Variants in MYLK observed in about 807,000 individuals in gnomAD.
The protein encoded by MYLK is myosin light chain kinase.
Under a neutral mutation model 203.4 loss-of-function variants are expected in MYLK, and 106 were observed. The ratio of observed to expected loss-of-function variants is 0.52; its 90% CI spans 0.45 to 0.61. MYLK has a LOEUF of 0.61. MYLK is among the 20% of genes least tolerant of loss of function. The pLI, the probability that MYLK is intolerant of heterozygous loss-of-function variation, is 0.00. For synonymous variants in MYLK, 867 were observed against 959.5 expected, an observed-to-expected ratio of 0.90 and a Z score of 1.78; for missense variants, 2,072 against 2,442.3, an observed-to-expected ratio of 0.85 and a Z score of 3.20.
intron 1 of MYLK, among the ~76,000 whole-genome samples, chr3:123,880,607 G>C (rs2033467292): frequency 1.3e-5 from 2 of 150,280 alleles, no homozygotes; most frequent in Admixed American, 6.6e-5. Context: ...AGGGTGGAAG[G>C]GGGGCAAGGA....
intron 3 of MYLK, among the ~76,000 whole-genome samples, chr3:123,801,888 T>C (rs565747131): frequency 9.5e-4 from 144 of 152,346 alleles, no homozygotes; most frequent in Non-Finnish European, 1.7e-3. Flanking sequence ...GTGAAGAACA[T>C]ACAGATGTAT....
chr3:123,791,363 T>G (rs942626767), intron 4 of MYLK, among the ~76,000 whole-genome samples: 2 of 152,244 alleles, frequency 1.3e-5, no homozygotes, highest in South Asian at 4.1e-4. Flanking sequence ...CCTGTTTAAC[T>G]TCGTCTTTGG....
At chr3:123,869,479 C>A (rs920438359) in intron 2 of MYLK, among the ~76,000 whole-genome samples, 2 of 152,132 alleles carry the variant, frequency 1.3e-5, no homozygotes, top group African/African-American at 4.8e-5. Context: ...TCATCCAGAC[C>A]TAGGGTGGTC....
rs1308445594 is a variant in MYLK at position 123,642,158 on chromosome 3, C to T, written c.4620-1654G>A. Reference sequence around the variant, plus strand: ...GCCTGTCCTCTTGCAAGGGTATTTCCTCTCCTACAGAGAGTCCTCACGAAG... The same window carrying T: ...GCCTGTCCTCTTGCAAGGGTATTTCTTCTCCTACAGAGAGTCCTCACGAAG... On this transcript the variant is annotated intron_variant, in intron 27 of 33. Coordinates refer to ENST00000360304, the MANE Select transcript of MYLK (RefSeq NM_053025.4). The surrounding 1 kb of genome is among the most constrained non-coding windows in gnomAD (Gnocchi z 4.2). Among the ~76,000 whole-genome samples the T allele has an allele frequency of 6.6e-6, 1 of 152,180 alleles. No individual in the cohort carries two copies. Among genetic ancestry groups the T allele is most frequent in the Non-Finnish European group, 1.5e-5 (1 of 68,036 alleles).
rs532053461 is a variant in MYLK, at chr3:123,840,008, A to G, written c.-126-8338T>C. 5.9e-5 allele frequency among the ~76,000 whole-genome samples: 9 copies of G among 152,272 alleles called. No homozygotes were observed. The East Asian group carries it at 1.7e-3, about 29-fold the overall frequency. On this transcript the variant is annotated intron_variant, in intron 2 of 33. Coordinates refer to ENST00000360304, the MANE Select transcript of MYLK (RefSeq NM_053025.4). ...AAAATATTTCAAATGGAATGGACATAAAAAGGCACAATATGTCAAATTTGG... is the reference window on the plus strand; with the variant it reads ...AAAATATTTCAAATGGAATGGACATGAAAAGGCACAATATGTCAAATTTGG...
intron 3 of MYLK, among the ~76,000 whole-genome samples, chr3:123,827,659 A>T (rs1182151593): frequency 2.2e-5 from 3 of 134,918 alleles, no homozygotes; most frequent in Admixed American, 1.5e-4. Context: ...TGCTCAAGGG[A>T]TTCTTACATC....
intron 33 of MYLK, chr3:123,618,256 T>C: frequency 3.4e-6 from 1 of 292,838 alleles, no homozygotes; most frequent in Non-Finnish European, 6.7e-6. Flanking sequence ...TATGCCTTTG[T>C]GCCAGCCTTC....
chr3:123,739,397 A>C (rs60110329), intron 6 of MYLK, among the ~76,000 whole-genome samples: 4,770 of 152,308 alleles, frequency 0.031, 229 homozygotes, highest in African/African-American at 0.11. Flanking sequence ...GGGCCGACTC[A>C]TAAGAACCTC....
At chr3:123,844,451 T>C (rs1232834627) in intron 2 of MYLK, among the ~76,000 whole-genome samples, 1 of 152,170 alleles carries the variant, frequency 6.6e-6, no homozygotes, top group Non-Finnish European at 1.5e-5. Context: ...CTCTGGGGAA[T>C]ACATCCTCCC....
intron 12 of MYLK, 50 bp from the exon 13 acceptor site, chr3:123,722,330 G>A: frequency 1.9e-6 from 3 of 1,538,938 alleles, no homozygotes; most frequent in African/African-American, 2.7e-5. Flanking sequence ...TGGCAGTAGG[G>A]ACGGGAGCCC....
intron 2 of MYLK, among the ~76,000 whole-genome samples, chr3:123,864,866 G>C (rs1560301425): frequency 6.6e-6 from 1 of 152,212 alleles, no homozygotes; most frequent in Non-Finnish European, 1.5e-5. Flanking sequence ...ACTCTAGCTT[G>C]AGTGACAGAC....
intron 2 of MYLK, among the ~76,000 whole-genome samples, chr3:123,864,683 T>C (rs768633266): frequency 2.0e-5 from 3 of 152,136 alleles, no homozygotes; most frequent in Non-Finnish European, 4.4e-5. Flanking sequence ...GACAGGAGGA[T>C]TGCTTGAGGC....
rs914661146 is a variant in MYLK at position 123,640,555 on chromosome 3, G to C, written c.4620-51C>G. 1.9e-6 allele frequency: 3 copies of C among 1,601,210 alleles called. No individual in the cohort carries two copies. In the African/African-American group the frequency reaches 4.0e-5, roughly 21 times the overall value. On this transcript the variant is annotated intron_variant, in intron 27 of 33. Coordinates refer to ENST00000360304, the MANE Select transcript of MYLK (RefSeq NM_053025.4). The surrounding 1 kb of genome is among the most constrained non-coding windows in gnomAD (Gnocchi z 4.3). ...TCAGGCCACAGGCTCATGGAGGCCA[G>C]GCTGGCAGGGAGTCTGGCCAGGGTA...
chr3:123,778,153 G>C (rs1201037244), intron 4 of MYLK, among the ~76,000 whole-genome samples: 1 of 151,942 alleles, frequency 6.6e-6, no homozygotes, highest in African/African-American at 2.4e-5. Flanking sequence ...TCCCTAAGGG[G>C]GGGCGATAAT....
chr3:123,840,499 A>C (rs1055094910), intron 2 of MYLK, among the ~76,000 whole-genome samples: 2 of 151,536 alleles, frequency 1.3e-5, no homozygotes, highest in Non-Finnish European at 2.9e-5. Context: ...AATTCACTGA[A>C]AGACACAAAC....
rs529243408 is a variant in MYLK at position 123,610,524 on chromosome 3, A to C, written c.*3581T>G. ...ATAAATGCTCTGGTCCCGAGGGTAC[A>C]TACATCACTTCTGGTCACAGCTCAC... On this transcript the variant is annotated 3_prime_UTR_variant, in exon 34 of 34. Transcript: ENST00000360304. The C allele has an allele frequency of 3.9e-5, 6 of 152,338 alleles. No homozygotes were observed. The South Asian group carries it at 1.2e-3, about 32-fold the overall frequency. 9.4% of individuals were successfully genotyped at this position (152,338 alleles called of 1,614,324 possible).
Position 123,700,091 on chromosome 3 carries a change from G to T in MYLK, c.3377C>A (p.Pro1126Gln), listed in dbSNP as rs2061122425. The change falls in exon 18 of 34, where the codon CCA becomes CAA. Residue 1126 changes from proline (P) to glutamine (Q), a missense_variant. Physicochemically the swap from Pro to Gln is moderately conservative, Grantham distance 76 (BLOSUM62 -1). Coordinates refer to ENST00000360304, the MANE Select transcript of MYLK (RefSeq NM_053025.4). ...LLQCQVSSDPPATIIWTLNGK... is the reference protein window; with the variant it reads ...LLQCQVSSDPQATIIWTLNGK... ...GTTCAGCGTCCAGATGATGGTGGCT[G>T]GGGGGTCAGAAGACACCTGGCACTG... The T allele has an allele frequency of 6.2e-7, 1 of 1,608,328 alleles. No homozygotes were observed. Among genetic ancestry groups the T allele is most frequent in the African/African-American group, 1.3e-5 (1 of 74,878 alleles).
Position 123,647,566 on chromosome 3 carries a change from C to G in MYLK, c.4416-139G>C, listed in dbSNP as rs546466046. The G allele has an allele frequency of 2.8e-5, 21 of 755,704 alleles. No homozygotes were observed. The East Asian group carries it at 5.3e-4, about 19-fold the overall frequency. The allele number at this position is 755,704 out of a possible 1,614,324, so 46.8% of individuals were successfully genotyped here. ...AAGGTGTTACTGGAGCACAGCCCTGCCTGGCTGTTTGCATGTTGTCTATGG... is the reference window on the plus strand; with the variant it reads ...AAGGTGTTACTGGAGCACAGCCCTGGCTGGCTGTTTGCATGTTGTCTATGG... On this transcript the variant is annotated intron_variant, in intron 26 of 33. Coordinates refer to ENST00000360304, the MANE Select transcript of MYLK (RefSeq NM_053025.4).
At chr3:123,808,573 C>T (rs554822464) in intron 3 of MYLK, among the ~76,000 whole-genome samples, 2 of 152,310 alleles carry the variant, frequency 1.3e-5, no homozygotes, top group East Asian at 1.9e-4. Context: ...CTACAGGCTA[C>T]ACCCCAAGCC....
Sources: gnomAD v4.1 joint callset for allele counts (sites outside exome capture counted in the v4.1 genomes callset) on GRCh38, gnomAD v4.1.1 for gene constraint, Gnocchi (gnomAD v3.1) non-coding constraint, MANE v1.5 for transcripts, NCBI Gene and HGNC (gene_info 2026-07-23, HGNC 2026-07-21) for gene names.